The following WDHD1 variants were observed in gnomAD, a reference collection of about 807,000 sequenced individuals.
WDHD1 encodes WD repeat and HMG-box DNA-binding protein 1.
In WDHD1, 111 loss-of-function variants were observed where a neutral mutation model predicts 135.4. That is an observed-to-expected ratio of 0.82 (90% CI 0.70 to 0.96). The LOEUF (loss-of-function observed/expected upper bound fraction) is 0.96, where lower values mean the gene tolerates loss of function less well. Ranked by LOEUF, WDHD1 falls within the 40% of genes least tolerant of loss-of-function variation. The pLI is 0.00. For missense variants in WDHD1, 1,351 were observed against 1,336.3 expected, an observed-to-expected ratio of 1.01 and a Z score of -0.17; for synonymous variants, 434 against 439.0, an observed-to-expected ratio of 0.99 and a Z score of 0.14.
rs990911094 is a variant in WDHD1 at position 55,004,915 on chromosome 14, G to A, written c.600+2365C>T. 4 of 527,280 alleles carry A rather than the reference G, an allele frequency of 7.6e-6. No individual in the cohort carries two copies. In the African/African-American group the frequency reaches 7.7e-5, roughly 10 times the overall value. 32.7% of individuals were successfully genotyped at this position (527,280 alleles called of 1,614,324 possible). ...GGCTGAGCACTCCAGTTTTCAGGAG[G>A]GAACTGCTAAATAGGCACAGAGGGC... On this transcript the variant is annotated intron_variant, in intron 7 of 25. Coordinates refer to ENST00000360586, the MANE Select transcript of WDHD1 (RefSeq NM_007086.4).
intron 10 of WDHD1, among the ~76,000 whole-genome samples, chr14:54,999,989 G>T (rs1053095443): frequency 6.6e-6 from 1 of 152,140 alleles, no homozygotes; most frequent in Non-Finnish European, 1.5e-5. Flanking sequence ...TTTTGTGGGG[G>T]TTTCAGGAGG....
At chr14:54,949,412 A>C (rs1301710821) in intron 24 of WDHD1, among the ~76,000 whole-genome samples, 2 of 152,228 alleles carry the variant, frequency 1.3e-5, no homozygotes, top group African/African-American at 4.8e-5. Context: ...GTGATCAAAG[A>C]TCAAATGAAT....
intron 4 of WDHD1, among the ~76,000 whole-genome samples, chr14:55,008,931 G>C (rs1310277377): frequency 1.3e-5 from 2 of 151,918 alleles, no homozygotes; most frequent in Non-Finnish European, 2.9e-5. Context: ...CGAGTAGCTG[G>C]GATTACAGGT....
At chr14:54,995,882 T>C in intron 10 of WDHD1, 69 bp from the exon 11 acceptor site, 1 of 1,285,712 alleles carries the variant, frequency 7.8e-7, no homozygotes, top group Non-Finnish European at 1.0e-6. Context: ...ACTAAAAAGG[T>C]AAACTTTTAA....
At position 54,969,269 on chromosome 14, in the gene WDHD1, G is replaced by A. The variant is rs10140189; in HGVS notation, c.2064-1875C>T. 9.7e-3 allele frequency among the ~76,000 whole-genome samples: 1,452 copies of A among 149,656 alleles called. 32 individuals carry two copies. The highest frequency in any genetic ancestry group is 0.034 in the African/African-American group (1,390 of 40,728). On this transcript the variant is annotated intron_variant, in intron 16 of 25. Transcript: ENST00000360586. Reference sequence around the variant, plus strand: ...TCTCGATCTCCTGACCTTGTGATCCGCCCGCCTATGCCTCCCAAAGTGCTG... The same window carrying A: ...TCTCGATCTCCTGACCTTGTGATCCACCCGCCTATGCCTCCCAAAGTGCTG...
At position 55,000,467 on chromosome 14, in the gene WDHD1, A is replaced by G. The variant is rs1366127434; in HGVS notation, c.942+36T>C. 2.6e-6 allele frequency: 4 copies of G among 1,534,538 alleles called. No individual in the cohort carries two copies. The African/African-American group carries it at 4.2e-5, about 16-fold the overall frequency. ...TCCAAATCCATATGATCACAGAAAC[A>G]TTTTGAAGAAACTGTTGTACCATAC... On this transcript the variant is annotated intron_variant, in intron 10 of 25. Coordinates refer to ENST00000360586, the MANE Select transcript of WDHD1 (RefSeq NM_007086.4).
intron 2 of WDHD1, among the ~76,000 whole-genome samples, chr14:55,015,031 G>T (rs533970146): frequency 6.6e-6 from 1 of 152,138 alleles, no homozygotes; most frequent in Admixed American, 6.5e-5. Flanking sequence ...CCAGAGTAAG[G>T]TGGTTAGGCT....
chr14:54,960,023 A>T (rs1165367133), intron 21 of WDHD1, among the ~76,000 whole-genome samples: 1 of 152,160 alleles, frequency 6.6e-6, no homozygotes, highest in Admixed American at 6.5e-5. Flanking sequence ...GAAACTGAGA[A>T]TCACTCTTTA....
Position 55,003,587 on chromosome 14 carries a change from C to CTATATATATATATA in WDHD1, c.601-1403_601-1402insTATATATATATATA, listed in dbSNP as rs140023951. On this transcript the variant is annotated intron_variant, in intron 7 of 25. Coordinates refer to ENST00000360586, the MANE Select transcript of WDHD1 (RefSeq NM_007086.4). ...TGTATAAAAAAGAAAGAAAAACGAA[C>CTATATATATATATA]TATATATATATAGTTGCCCAGGCTG... is the stretch of plus-strand genomic sequence containing the variant. Among the ~76,000 whole-genome samples the CTATATATATATATA allele has an allele frequency of 1.8e-3, 259 of 143,738 alleles. 20 individuals carry two copies. Among genetic ancestry groups the CTATATATATATATA allele is most frequent in the African/African-American group, 7.1e-3 (244 of 34,328 alleles). The allele number at this position is 143,738 out of a possible 152,430, so 94.3% of individuals were successfully genotyped here. A position where few individuals can be genotyped will look rare whatever the true frequency, so the allele number is the denominator to read the frequency against.
In WDHD1 at chr14:55,013,178, T is replaced by C. The variant is rs60475452; in HGVS notation, c.189+307A>G. ...GAGTTTGAGACCGGTCTGAGCAACA[T>C]GGCAAGATCCCGTTTCAAAAAAAAA... On this transcript the variant is annotated intron_variant, in intron 3 of 25. Coordinates refer to ENST00000360586, the MANE Select transcript of WDHD1 (RefSeq NM_007086.4). Among the ~76,000 whole-genome samples the C allele has an allele frequency of 8.5e-3, 859 of 100,566 alleles. 11 individuals are homozygous for C. The highest frequency in any genetic ancestry group is 0.04 in the African/African-American group (811 of 20,464). 66.0% of individuals were successfully genotyped at this position (100,566 alleles called of 152,430 possible).
intron 2 of WDHD1, among the ~76,000 whole-genome samples, chr14:55,015,568 T>A (rs2042247109): frequency 6.6e-6 from 1 of 151,980 alleles, no homozygotes; most frequent in African/African-American, 2.4e-5. Flanking sequence ...GACTAACAAA[T>A]CCTTTCGGGG....
At chr14:54,989,279 G>A (rs2041746726) in intron 12 of WDHD1, 67 bp from the exon 13 acceptor site, 6 of 1,153,256 alleles carry the variant, frequency 5.2e-6, no homozygotes, top group Non-Finnish European at 7.3e-6. Flanking sequence ...GTAAGCCACA[G>A]TAGTACAAAT....
In WDHD1 at chr14:55,000,463, A is replaced by C. The variant is rs774752625; in HGVS notation, c.942+40T>G. The C allele has an allele frequency of 2.6e-6, 4 of 1,530,290 alleles. No homozygotes were observed. In the Admixed American group the frequency reaches 6.2e-5, roughly 24 times the overall value. The allele number at this position is 1,530,290 out of a possible 1,614,324, so 94.8% of individuals were successfully genotyped here. On this transcript the variant is annotated intron_variant, in intron 10 of 25. Coordinates refer to ENST00000360586, the MANE Select transcript of WDHD1 (RefSeq NM_007086.4). ...GTCTTCCAAATCCATATGATCACAG[A>C]AACATTTTGAAGAAACTGTTGTACC...
intron 2 of WDHD1, among the ~76,000 whole-genome samples, chr14:55,016,963 G>T (rs2042270927): frequency 6.6e-6 from 1 of 152,118 alleles, no homozygotes; most frequent in African/African-American, 2.4e-5. Context: ...ACAGTTAAAT[G>T]ATAAAAGTAT....
intron 24 of WDHD1, 88 bp from the exon 25 acceptor site, chr14:54,944,558 C>A (rs561030700): frequency 8.1e-7 from 1 of 1,240,246 alleles, no homozygotes; most frequent in African/African-American, 1.6e-5. Flanking sequence ...AACCATAAGT[C>A]TCTGACATCT....
At chr14:55,014,499 C>T (rs1415485094) in intron 2 of WDHD1, among the ~76,000 whole-genome samples, 1 of 152,166 alleles carries the variant, frequency 6.6e-6, no homozygotes, top group Admixed American at 6.5e-5. Context: ...TAGCACCAAA[C>T]AGTCTCTGAC....
chr14:55,012,031 C>G (rs1289397644), intron 3 of WDHD1, among the ~76,000 whole-genome samples: 1 of 151,988 alleles, frequency 6.6e-6, no homozygotes. Context: ...ATGTATCCAG[C>G]CACTATGTAT....
intron 7 of WDHD1, chr14:55,005,227 C>A (rs1194719754): frequency 1.9e-6 from 1 of 539,224 alleles, no homozygotes; most frequent in African/African-American, 1.9e-5. Flanking sequence ...CCACATAGCA[C>A]AGAGGAAAAT....
rs185551896 is a variant in WDHD1, at chr14:54,979,134, C to A, written c.2063+2406G>T. On this transcript the variant is annotated intron_variant, in intron 16 of 25. Transcript: ENST00000360586. ...TTTTATCCTCCTTTAGGTGCCACCC[C>A]AAATCTTTGCTCCTCTTCACACCAA... is the stretch of plus-strand genomic sequence containing the variant. Among the ~76,000 whole-genome samples the A allele has an allele frequency of 2.6e-3, 392 of 152,144 alleles. 3 individuals carry two copies. The highest frequency in any genetic ancestry group is 9.0e-3 in the African/African-American group (374 of 41,522).
Sources: allele counts gnomAD v4.1 joint callset (sites outside exome capture counted in the v4.1 genomes callset), GRCh38; gene constraint gnomAD v4.1.1; transcripts MANE v1.5; gene names NCBI Gene and HGNC (gene_info 2026-07-23, HGNC 2026-07-21).